Variants in CNTN1 observed in about 807,000 individuals in gnomAD.
CNTN1 encodes contactin-1.
Under a neutral mutation model 126.4 loss-of-function variants are expected in CNTN1, and 38 were observed. The observed-to-expected ratio is 0.30, with a 90% confidence interval of 0.23 to 0.39. The LOEUF is 0.39. Ranked by LOEUF, CNTN1 falls within the 10% of genes least tolerant of loss-of-function variation. The pLI, the probability that CNTN1 is intolerant of heterozygous loss-of-function variation, is 1.00. For synonymous variants in CNTN1, 413 were observed against 422.6 expected (o/e 0.98, Z 0.28); for missense variants, 1,009 against 1,248.4 (o/e 0.81, Z 2.89).
intron 15 of CNTN1, chr12:40,972,175 T>A: frequency 3.0e-6 from 3 of 985,386 alleles, no homozygotes; most frequent in Non-Finnish European, 3.6e-6. Context: ...TAAAGATGAC[T>A]AAGCCATTAA....
At chr12:40,917,061 C>CGGGGTG (rs764251956) in intron 3 of CNTN1, among the ~76,000 whole-genome samples, 5 of 27,170 alleles carry the variant, frequency 1.8e-4, no homozygotes, top group Middle Eastern at 0.016. Flanking sequence ...GTGGTGGGGG[C>CGGGGTG]GGGGGGGGGG....
At chr12:40,813,770 A>G (rs1004087806) in intron 1 of CNTN1, among the ~76,000 whole-genome samples, 1 of 152,224 alleles carries the variant, frequency 6.6e-6, no homozygotes, top group Admixed American at 6.5e-5. Context: ...GAATCACCAT[A>G]CTGTCTTCCA....
chr12:40,998,609 T>C (rs1020194514), intron 17 of CNTN1, among the ~76,000 whole-genome samples: 1 of 152,096 alleles, frequency 6.6e-6, no homozygotes, highest in Non-Finnish European at 1.5e-5. Context: ...AAAGAACTAT[T>C]CTCATTTTAA....
chr12:40,856,221 A>C (rs1942901237), intron 1 of CNTN1, among the ~76,000 whole-genome samples: 1 of 152,084 alleles, frequency 6.6e-6, no homozygotes, highest in Admixed American at 6.6e-5. Context: ...TGCCCTCAGG[A>C]ATATATATAC....
chr12:40,767,649 TTTGA>T (rs1186940910), intron 1 of CNTN1, among the ~76,000 whole-genome samples: 19 of 121,936 alleles, frequency 1.6e-4, no homozygotes, highest in Non-Finnish European at 8.8e-5. Flanking sequence ...TGTTTGTTTG[TTTGA>T]GACGGCGTCT....
chr12:40,943,554 A>G (rs1407497271), intron 12 of CNTN1, 43 bp from the exon 13 acceptor site: 1 of 1,403,134 alleles, frequency 7.1e-7, no homozygotes, highest in Admixed American at 1.7e-5. Flanking sequence ...AATGTATTTT[A>G]CTAAATCAGG....
At position 40,845,196 on chromosome 12, in the gene CNTN1, G is replaced by A. The variant is rs117227142; in HGVS notation, c.-76-63161G>A. ...ATTATTAAAAACAGAAATTTCAGTGGCTTTTAACTTAGGAATAAACAAGAG... is the reference window on the plus strand; with the variant it reads ...ATTATTAAAAACAGAAATTTCAGTGACTTTTAACTTAGGAATAAACAAGAG... On this transcript the variant is annotated intron_variant, in intron 1 of 23. Transcript: ENST00000551295. Among the ~76,000 whole-genome samples, 350 of 152,262 alleles carry A rather than the reference G, an allele frequency of 2.3e-3. 1 individual carries two copies. The highest frequency in any genetic ancestry group is 4.0e-3 in the Non-Finnish European group (270 of 68,002).
intron 16 of CNTN1, among the ~76,000 whole-genome samples, chr12:40,984,094 T>C (rs1485752855): frequency 1.7e-4 from 25 of 149,888 alleles, no homozygotes; most frequent in Non-Finnish European, 3.7e-4. Context: ...GGGAAACACT[T>C]TTATACTCAG....
In CNTN1 at chr12:40,802,984, T is replaced by C. The variant is rs576573098; in HGVS notation, c.-76-105373T>C. ...ACTAGTAAAGCCATGTTTCGAATCCTGTCAAAATTGTTTGGAGAAATGCTT... is the reference window on the plus strand; with the variant it reads ...ACTAGTAAAGCCATGTTTCGAATCCCGTCAAAATTGTTTGGAGAAATGCTT... On this transcript the variant is annotated intron_variant, in intron 1 of 23. Coordinates refer to ENST00000551295, the MANE Select transcript of CNTN1 (RefSeq NM_001843.4). 2.6e-5 allele frequency among the ~76,000 whole-genome samples: 4 copies of C among 152,132 alleles called. 1 individual carries two copies. The highest frequency in any genetic ancestry group is 9.6e-5 in the African/African-American group (4 of 41,546).
chr12:40,848,699 G>T (rs1942605831), intron 1 of CNTN1, among the ~76,000 whole-genome samples: 1 of 151,992 alleles, frequency 6.6e-6, no homozygotes, highest in African/African-American at 2.4e-5. Context: ...TCACATGTCT[G>T]GTTCCTAGCA....
chr12:41,046,847 CTTTTTT>C (rs56655599), intron 23 of CNTN1, among the ~76,000 whole-genome samples: 1,444 of 118,992 alleles, frequency 0.012, 7 homozygotes, highest in Middle Eastern at 0.025. Flanking sequence ...TTGCTTATTT[CTTTTTT>C]TTTTTTTTTT....
At chr12:41,011,548 T>C (rs1948653375) in intron 17 of CNTN1, among the ~76,000 whole-genome samples, 1 of 152,190 alleles carries the variant, frequency 6.6e-6, no homozygotes, top group South Asian at 2.1e-4. Flanking sequence ...TGGCACCTTG[T>C]TAAATGTGCT....
Position 40,910,121 on chromosome 12 carries a change from A to G in CNTN1, c.94+16A>G. 1 of 1,583,714 alleles carries G rather than the reference A, an allele frequency of 6.3e-7. No individual in the cohort carries two copies. The highest frequency in any genetic ancestry group is 1.1e-5 in the South Asian group (1 of 90,222). ...GGTCATGGAGGTAAGTTGACCAAAG[A>G]GTAGACCTTGTAAACATCTTTTCTC... is the stretch of plus-strand genomic sequence containing the variant. On this transcript the variant is annotated intron_variant, in intron 3 of 23. Transcript: ENST00000551295.
intron 18 of CNTN1, 50 bp downstream of exon 18, chr12:41,014,348 A>G (rs1473419624): frequency 3.2e-6 from 5 of 1,564,638 alleles, no homozygotes; most frequent in Admixed American, 1.7e-5. Flanking sequence ...TCTATATTTA[A>G]CTTCCACCCC....
intron 14 of CNTN1, among the ~76,000 whole-genome samples, chr12:40,951,521 T>C (rs1213587556): frequency 6.6e-6 from 1 of 151,864 alleles, no homozygotes; most frequent in Non-Finnish European, 1.5e-5. Flanking sequence ...GAATTACTGT[T>C]AATTATGTTA....
At chr12:40,929,299 G>T (rs1043763215) in intron 6 of CNTN1, among the ~76,000 whole-genome samples, 2 of 150,864 alleles carry the variant, frequency 1.3e-5, no homozygotes, top group South Asian at 4.2e-4. Flanking sequence ...GACCACAATA[G>T]GTTATGTAAG....
intron 15 of CNTN1, among the ~76,000 whole-genome samples, chr12:40,966,278 C>T (rs1029401368): frequency 3.3e-5 from 5 of 152,062 alleles, no homozygotes; most frequent in African/African-American, 1.2e-4. Context: ...CCTTGCAGAA[C>T]TGAGACAGGA....
At chr12:40,985,577 T>C (rs1163417149) in intron 16 of CNTN1, among the ~76,000 whole-genome samples, 1 of 152,202 alleles carries the variant, frequency 6.6e-6, no homozygotes, top group Admixed American at 6.6e-5. Flanking sequence ...AGAAGTCAGT[T>C]ATTGTTTTAA....
At chr12:40,928,815 C>A (rs1410068501) in intron 6 of CNTN1, among the ~76,000 whole-genome samples, 1 of 152,006 alleles carries the variant, frequency 6.6e-6, no homozygotes, top group Non-Finnish European at 1.5e-5. Flanking sequence ...TTGCTAGCCA[C>A]GCTGAGTTCC....
Sources: gnomAD v4.1 joint callset for allele counts (sites outside exome capture counted in the v4.1 genomes callset) on GRCh38, gnomAD v4.1.1 for gene constraint, MANE v1.5 for transcripts, NCBI Gene and HGNC (gene_info 2026-07-23, HGNC 2026-07-21) for gene names.